LOC128125817: variants seen among roughly 807,000 people sequenced by gnomAD.
At chr1:41,611,078 G>A in the LOC128125817 span, among the ~76,000 whole-genome samples, 3 of 152,212 alleles carry the variant, frequency 2.0e-5, no homozygotes, top group Non-Finnish European at 4.4e-5. Context: ...AGGGTGTGGG[G>A]GCAGAAGGGT....
the LOC128125817 span, among the ~76,000 whole-genome samples, chr1:41,594,207 C>T: frequency 1.3e-5 from 2 of 152,088 alleles, no homozygotes; most frequent in African/African-American, 2.4e-5. Flanking sequence ...AGATATCTTA[C>T]GTTTCAGTTA....
the LOC128125817 span, among the ~76,000 whole-genome samples, chr1:41,615,458 G>A: frequency 6.6e-6 from 1 of 152,206 alleles, no homozygotes; most frequent in Admixed American, 6.5e-5. Flanking sequence ...GGGGTCTAAA[G>A]TCCACGTTTG....
chr1:41,621,967 G>T, the LOC128125817 span, among the ~76,000 whole-genome samples: 1 of 152,194 alleles, frequency 6.6e-6, no homozygotes, highest in Non-Finnish European at 1.5e-5. Flanking sequence ...CATCAGTTAG[G>T]GCCAAACACA....
At chr1:41,619,742 T>TATTTTTGGAG in the LOC128125817 span, among the ~76,000 whole-genome samples, 1 of 152,112 alleles carries the variant, frequency 6.6e-6, no homozygotes, top group Non-Finnish European at 1.5e-5. Context: ...TGGGAGGCTG[T>TATTTTTGGAG]CCGAATGCTA....
At chr1:41,615,996 C>G in the LOC128125817 span, among the ~76,000 whole-genome samples, 1 of 151,996 alleles carries the variant, frequency 6.6e-6, no homozygotes, top group Non-Finnish European at 1.5e-5. Context: ...AGATGACACT[C>G]TCTACCGCAT....
At chr1:41,623,238 G>A in the LOC128125817 span, among the ~76,000 whole-genome samples, 1 of 152,200 alleles carries the variant, frequency 6.6e-6, no homozygotes, top group African/African-American at 2.4e-5. Context: ...CTATTTTGGA[G>A]AAGCGACACG....
chr1:41,616,248 A>G, the LOC128125817 span, among the ~76,000 whole-genome samples: 1 of 152,192 alleles, frequency 6.6e-6, no homozygotes, highest in African/African-American at 2.4e-5. Flanking sequence ...CCCAAGTGGA[A>G]CCATGTGGGC....
the LOC128125817 span, among the ~76,000 whole-genome samples, chr1:41,609,561 C>A: frequency 2.2e-3 from 332 of 152,368 alleles, 2 homozygotes; most frequent in Non-Finnish European, 3.4e-3. Context: ...AAGGGTTCCA[C>A]CCCATCCTCT....
chr1:41,610,458 T>G, the LOC128125817 span, among the ~76,000 whole-genome samples: 1 of 152,244 alleles, frequency 6.6e-6, no homozygotes, highest in African/African-American at 2.4e-5. Context: ...AAGAGAGTAC[T>G]GAGGCTGATG....
chr1:41,612,393 T>C, the LOC128125817 span, among the ~76,000 whole-genome samples: 1 of 152,202 alleles, frequency 6.6e-6, no homozygotes, highest in Admixed American at 6.5e-5. Context: ...TCATTTAATT[T>C]CACCCAAGTT....
the LOC128125817 span, among the ~76,000 whole-genome samples, chr1:41,614,574 C>T: frequency 4.6e-5 from 7 of 152,162 alleles, no homozygotes; most frequent in Admixed American, 4.6e-4. Context: ...TAGTTAATCC[C>T]CTTTTTGTCT....
the LOC128125817 span, among the ~76,000 whole-genome samples, chr1:41,616,330 C>T: frequency 6.6e-6 from 1 of 152,160 alleles, no homozygotes; most frequent in African/African-American, 2.4e-5. Flanking sequence ...CATCTTTGTT[C>T]CCCACCTGCA....
the LOC128125817 span, among the ~76,000 whole-genome samples, chr1:41,586,293 C>A: frequency 6.6e-6 from 1 of 152,238 alleles, no homozygotes; most frequent in South Asian, 2.1e-4. Context: ...CCCTCCTCCC[C>A]AGGAACAGGG....
chr1:41,607,032 C>T, the LOC128125817 span, among the ~76,000 whole-genome samples: 1 of 151,806 alleles, frequency 6.6e-6, no homozygotes, highest in Non-Finnish European at 1.5e-5. Context: ...CCATATTGCT[C>T]AGTGTGGTCT....
the LOC128125817 span, among the ~76,000 whole-genome samples, chr1:41,627,536 C>T: frequency 6.6e-6 from 1 of 152,174 alleles, no homozygotes; most frequent in Non-Finnish European, 1.5e-5. Flanking sequence ...CCCAAGCTGT[C>T]ATACTGTGGG....
the LOC128125817 span, among the ~76,000 whole-genome samples, chr1:41,614,270 A>T: frequency 6.6e-6 from 1 of 152,232 alleles, no homozygotes; most frequent in Non-Finnish European, 1.5e-5. Flanking sequence ...GTGGTGAGAG[A>T]GGCGTGTCAA....
At chr1:41,609,130 T>C in the LOC128125817 span, among the ~76,000 whole-genome samples, 1 of 152,096 alleles carries the variant, frequency 6.6e-6, no homozygotes, top group Non-Finnish European at 1.5e-5. Flanking sequence ...TGGGCACTTG[T>C]GCTCCAGGAC....
At chr1:41,627,863 ACTCC>A in the LOC128125817 span, among the ~76,000 whole-genome samples, 1 of 151,334 alleles carries the variant, frequency 6.6e-6, no homozygotes, top group African/African-American at 2.4e-5. Flanking sequence ...AGGCCAGAGA[ACTCC>A]CTCCCTCCGT....
the LOC128125817 span, among the ~76,000 whole-genome samples, chr1:41,612,170 C>G: frequency 2.6e-5 from 4 of 152,104 alleles, no homozygotes; most frequent in Non-Finnish European, 5.9e-5. Flanking sequence ...GCCTGCTGCC[C>G]GGTCCCCCAT....
Sources: gnomAD v4.1 joint callset for allele counts (sites outside exome capture counted in the v4.1 genomes callset) on GRCh38, gnomAD v4.1.1 for gene constraint, MANE v1.5 for transcripts.